ANAPC11: variants seen among roughly 807,000 people sequenced by gnomAD.
The protein encoded by ANAPC11 is anaphase-promoting complex subunit 11.
In ANAPC11, 5 loss-of-function variants were observed where a neutral mutation model predicts 11.8. The observed-to-expected ratio is 0.42, with a 90% CI of 0.22 to 0.89. The LOEUF (loss-of-function observed/expected upper bound fraction) is 0.89, where lower values mean the gene tolerates loss of function less well. ANAPC11 is among the 40% of genes least tolerant of loss of function. ANAPC11 has a pLI of 0.28. For missense variants in ANAPC11, 68 were observed against 112.9 expected (o/e 0.60, Z 1.80); for synonymous variants, 45 against 41.0 (o/e 1.10, Z -0.38).
At chr17:81,895,443 T>G (rs138275378) in intron 3 of ANAPC11, among the ~76,000 whole-genome samples, 1,838 of 152,332 alleles carry the variant, frequency 0.012, 13 homozygotes, top group Non-Finnish European at 0.019. Context: ...TGTCACAGAC[T>G]CCATAGGATG....
chr17:81,895,665 A>G (rs1318144922), intron 3 of ANAPC11, among the ~76,000 whole-genome samples: 1 of 151,818 alleles, frequency 6.6e-6, no homozygotes, highest in Non-Finnish European at 1.5e-5. Context: ...CAAGGTAGGC[A>G]GATCACAGGG....
intron 3 of ANAPC11, 76 bp downstream of exon 3, chr17:81,894,662 C>T: frequency 2.3e-6 from 2 of 887,068 alleles, no homozygotes; most frequent in Non-Finnish European, 1.7e-6. Flanking sequence ...GCCTGCTGGA[C>T]TAGCCTCAGT....
intron 3 of ANAPC11, chr17:81,899,192 C>T (rs2039848495): frequency 1.3e-6 from 2 of 1,562,208 alleles, no homozygotes; most frequent in East Asian, 2.3e-5. Context: ...AGATCAGGGA[C>T]ACTCATTTCT....
chr17:81,895,829 G>A (rs1357758771), intron 3 of ANAPC11, among the ~76,000 whole-genome samples: 1 of 152,226 alleles, frequency 6.6e-6, no homozygotes, highest in Non-Finnish European at 1.5e-5. Context: ...TTAGCTGGGT[G>A]TGTGGCGTGT....
chr17:81,900,321 A>G (rs1372816450), downstream of ANAPC11: 6 of 556,444 alleles, frequency 1.1e-5, no homozygotes, highest in Admixed American at 1.0e-4. Flanking sequence ...TTGATATGAA[A>G]ACTCTCATGA....
At chr17:81,899,101 C>T (rs1020534101) in intron 3 of ANAPC11, 16 of 928,308 alleles carry the variant, frequency 1.7e-5, no homozygotes, top group East Asian at 1.6e-4. Context: ...AATGCCAGGC[C>T]GACCCTGCCG....
chr17:81,891,647 C>T (rs1365657054), upstream of ANAPC11: 18 of 1,293,794 alleles, frequency 1.4e-5, no homozygotes, highest in South Asian at 2.3e-4. Flanking sequence ...CTTCCGGTGC[C>T]ACGGCCTCGG....
rs776080835 is a variant in ANAPC11 at position 81,894,534 on chromosome 17, C to T, written c.57C>T (p.Asn19=). The T allele has an allele frequency of 6.0e-5, 96 of 1,612,586 alleles. No individual in the cohort carries two copies. The highest frequency in any genetic ancestry group is 7.5e-5 in the Non-Finnish European group (88 of 1,179,164). The change falls in exon 3 of 4, where the codon AAC becomes AAT. Residue 19 remains asparagine, a synonymous_variant. Transcript: ENST00000344877. ...TGGCCACTTGGCTCTGGGTGGCCAA[C>T]GATGAGAACTGTGGCATCTGCAGGA... ...NGVATWLWVA[N]DENCGICRMA...
chr17:81,891,047 C>T, upstream of ANAPC11: 2 of 708,636 alleles, frequency 2.8e-6, no homozygotes, highest in Non-Finnish European at 4.5e-6. Context: ...CCGCCTGTGC[C>T]GCGCCCAGCG....
rs192551495 is a variant in ANAPC11 at position 81,899,051 on chromosome 17, G to A, written c.110-869G>A. 1.4e-3 allele frequency: 881 copies of A among 633,580 alleles called. 4 individuals carry two copies. The African/African-American group carries it at 0.014, about 10-fold the overall frequency. 39.2% of individuals were successfully genotyped at this position (633,580 alleles called of 1,614,324 possible). A position where few individuals can be genotyped will look rare whatever the true frequency, so the allele number is the denominator to read the frequency against. ...GGAGTGGGCATGCCGTGGGGCCGGC[G>A]CTGCCAGGACAGGAGGGTGGCCACG... is the stretch of plus-strand genomic sequence containing the variant. On this transcript the variant is annotated intron_variant, in intron 3 of 3. Transcript: ENST00000344877.
chr17:81,891,005 CACA>C (rs1188891620), upstream of ANAPC11: 8 of 905,082 alleles, frequency 8.8e-6, no homozygotes, highest in Non-Finnish European at 1.3e-5. Context: ...ACCGCGGCCG[CACA>C]ACTTCAGTTC....
chr17:81,900,175 C>CTGGAGCTG lies in ANAPC11; in HGVS notation c.*111_*118dup. 1 of 1,499,204 alleles carries CTGGAGCTG rather than the reference C, an allele frequency of 6.7e-7. No homozygotes were observed. The highest frequency in any genetic ancestry group is 9.0e-7 in the Non-Finnish European group (1 of 1,109,626). The allele number at this position is 1,499,204 out of a possible 1,614,324, so 92.9% of individuals were successfully genotyped here. ...AGCTGCAACAAGGTGGAAACAAGGGCTGGAGCTGCGTTTGTTTTGCCATCA... is the reference window on the plus strand; with the variant it reads ...AGCTGCAACAAGGTGGAAACAAGGGCTGGAGCTGTGGAGCTGCGTTTGTTTTGCCATCA... On this transcript the variant is annotated 3_prime_UTR_variant, in exon 4 of 4. Transcript: ENST00000344877.
intron 3 of ANAPC11, chr17:81,899,208 TC>T: frequency 6.3e-7 from 1 of 1,597,888 alleles, no homozygotes; most frequent in African/African-American, 1.3e-5. Flanking sequence ...TTTCTCTTGA[TC>T]ATGGCTGATA....
chr17:81,893,747 T>C (rs2039635245), intron 2 of ANAPC11, 133 bp downstream of exon 2: 1 of 150,742 alleles, frequency 6.6e-6, no homozygotes, highest in East Asian at 1.9e-4. Context: ...AGATAGTTCT[T>C]TTTTTTCCTT....
At chr17:81,891,285 C>T, upstream of ANAPC11, 3 of 1,118,762 alleles carry the variant, frequency 2.7e-6, no homozygotes, top group Non-Finnish European at 3.3e-6. Context: ...CCGGCTGGCC[C>T]CCTCCCACTC....
At chr17:81,899,102 G>A (rs957615823) in intron 3 of ANAPC11, 13 of 941,238 alleles carry the variant, frequency 1.4e-5, no homozygotes, top group Non-Finnish European at 1.9e-5. Flanking sequence ...ATGCCAGGCC[G>A]ACCCTGCCGT....
upstream of ANAPC11, chr17:81,891,096 C>T: frequency 3.0e-6 from 2 of 674,806 alleles, no homozygotes; most frequent in South Asian, 2.0e-5. Context: ...ACGTCCGGAA[C>T]AAACAAAGAG....
upstream of ANAPC11, chr17:81,891,249 C>T (rs2039521980): frequency 9.4e-6 from 10 of 1,068,806 alleles, no homozygotes; most frequent in South Asian, 3.8e-4. Flanking sequence ...CCCGGGTCTC[C>T]GCCGCGAGCG....
chr17:81,900,155 C>T lies in ANAPC11; in HGVS notation c.*90C>T. On this transcript the variant is annotated 3_prime_UTR_variant, in exon 4 of 4. Coordinates refer to ENST00000344877, the MANE Select transcript of ANAPC11 (RefSeq NM_001002248.3). Reference sequence around the variant, plus strand: ...TGCTGGGGACAGCGCCCCTGAGCTGCAACAAGGTGGAAACAAGGGCTGGAG... The same window carrying T: ...TGCTGGGGACAGCGCCCCTGAGCTGTAACAAGGTGGAAACAAGGGCTGGAG... The T allele has an allele frequency of 6.4e-7, 1 of 1,561,384 alleles. No individual in the cohort carries two copies.
Sources: allele counts gnomAD v4.1 joint callset (sites outside exome capture counted in the v4.1 genomes callset), GRCh38; gene constraint gnomAD v4.1.1; transcripts MANE v1.5; gene names NCBI Gene and HGNC (gene_info 2026-07-23, HGNC 2026-07-21).